The following CARD14 variants were observed in gnomAD, a reference collection of about 807,000 sequenced individuals.
The protein encoded by CARD14 is caspase recruitment domain family member 14.
In CARD14, 107 loss-of-function variants were observed where a neutral mutation model predicts 111.5. The observed-to-expected ratio is 0.96, with a 90% confidence interval of 0.82 to 1.13. The LOEUF (loss-of-function observed/expected upper bound fraction) is 1.13. Ranked by LOEUF, CARD14 falls within the 50% of genes most tolerant of loss-of-function variation. The probability of loss-of-function intolerance (pLI) is 0.00; values close to 1 mark genes in which losing one functional copy is unlikely to be tolerated. For synonymous variants in CARD14, 617 were observed against 579.6 expected (o/e 1.06, Z -0.93); for missense variants, 1,322 against 1,362.3 (o/e 0.97, Z 0.47).
intron 2 of CARD14, among the ~76,000 whole-genome samples, chr17:80,177,577 C>A (rs2040056214): frequency 6.6e-6 from 1 of 152,120 alleles, no homozygotes; most frequent in South Asian, 2.1e-4. Context: ...CACCTGTGAT[C>A]CCAGATACTC....
At chr17:80,179,813 C>G (rs1365916209) in intron 4 of CARD14, among the ~76,000 whole-genome samples, 2 of 152,076 alleles carry the variant, frequency 1.3e-5, no homozygotes, top group Non-Finnish European at 2.9e-5. Flanking sequence ...GCCTGGGCAA[C>G]AGAGTGAGAC....
At chr17:80,192,740 G>A (rs1422724248) in intron 12 of CARD14, 121 bp downstream of exon 12, 6 of 645,190 alleles carry the variant, frequency 9.3e-6, no homozygotes, top group South Asian at 4.2e-5. Context: ...AGGTTGGTAC[G>A]ATTGTGAGAG....
Position 80,207,037 on chromosome 17 carries a change from C to G in CARD14, c.2759C>G (p.Pro920Arg). ...VCTLHRMDIF[P>R]IVIHVSVNEK... ...ACCCTGCACAGGATGGACATCTTCC[C>G]CATCGTCATCCACGTCTCTGTCAAC... Residue 920 changes from proline (P) to arginine (R), a missense_variant, in exon 23 of 24, where the codon CCC becomes CGC. Coordinates refer to ENST00000648509, the MANE Select transcript of CARD14 (RefSeq NM_001366385.1). 6.2e-7 allele frequency: 1 copy of G among 1,614,082 alleles called. No individual in the cohort carries two copies. Among genetic ancestry groups the G allele is most frequent in the Non-Finnish European group, 8.5e-7 (1 of 1,179,988 alleles).
Position 80,198,669 on chromosome 17 carries a change from C to T in CARD14, c.1851+78C>T, listed in dbSNP as rs1334303370. The T allele has an allele frequency of 5.0e-6, 8 of 1,607,428 alleles. No individual in the cohort carries two copies. Among genetic ancestry groups the T allele is most frequent in the African/African-American group, 1.3e-5 (1 of 74,938 alleles). The stretch of plus-strand genomic sequence containing the variant: ...CAGCGGGTGGGGTGACCCAGGCAGA[C>T]TTCACCTCCCCCAGACGATGCAGAT... On this transcript the variant is annotated intron_variant, in intron 16 of 23. Transcript: ENST00000648509. The surrounding 1 kb of genome is among the most constrained non-coding windows in gnomAD (Gnocchi z 7.5).
Position 80,195,638 on chromosome 17 carries a change from T to G in CARD14, c.1580T>G (p.Leu527Arg). The change falls in exon 14 of 24, where the codon CTC (leucine) becomes CGC (arginine). Residue 527 changes from leucine to arginine, a missense_variant. Physicochemically the swap from Leu to Arg is moderately radical, Grantham distance 102. Coordinates refer to ENST00000648509, the MANE Select transcript of CARD14 (RefSeq NM_001366385.1). The surrounding 1 kb of genome is among the most constrained non-coding windows in gnomAD (Gnocchi z 4.7). The part of the protein sequence containing the change: ...KAGDPHLDYE[L>R]LDTADLPQLE... ...GGCGACCCACACCTGGATTATGAGC[T>G]CCTAGACACGGCAGGTGAGCACGCC... The G allele has an allele frequency of 6.2e-7, 1 of 1,613,334 alleles. No homozygotes were observed.
In CARD14 at chr17:80,198,967, G is replaced by C. The variant is rs1299206318; in HGVS notation, c.1851+376G>C. The C allele has an allele frequency of 3.8e-6, 4 of 1,060,988 alleles. No homozygotes were observed. Among genetic ancestry groups the C allele is most frequent in the Non-Finnish European group, 4.6e-6 (4 of 870,138 alleles). 65.7% of individuals were successfully genotyped at this position (1,060,988 alleles called of 1,614,324 possible). The stretch of plus-strand genomic sequence containing the variant: ...TTTCTTTTTTTTTGTTTGTTGTTTT[G>C]AAACAGGGTCTCACTCTGTCACCCA... On this transcript the variant is annotated intron_variant, in intron 16 of 23. Transcript: ENST00000648509. This position sits in a 1 kb window ranked among gnomAD's most constrained non-coding sequence, Gnocchi z 7.5.
Position 80,181,427 on chromosome 17 carries a change from C to T in CARD14, c.-12C>T, listed in dbSNP as rs761621702. 1 of 1,557,364 alleles carries T rather than the reference C, an allele frequency of 6.4e-7. No homozygotes were observed. The highest frequency in any genetic ancestry group is 1.2e-5 in the South Asian group (1 of 84,396). On this transcript the variant is annotated 5_prime_UTR_variant, in exon 5 of 24. Transcript: ENST00000648509. ...ATGGCCACCCCTCCTAGGGTCCTCC[C>T]AGCGCCCAGCCATGGGGGAACTGTG...
chr17:80,201,434 G>A lies in CARD14; in HGVS notation c.1852-310G>A, dbSNP rs529729086. The A allele has an allele frequency of 9.6e-5, 34 of 353,694 alleles. No individual in the cohort carries two copies. Among genetic ancestry groups the A allele is most frequent in the South Asian group, 5.8e-4 (22 of 38,034 alleles). 21.9% of individuals were successfully genotyped at this position (353,694 alleles called of 1,614,324 possible). On this transcript the variant is annotated intron_variant, in intron 16 of 23. Transcript: ENST00000648509. The surrounding 1 kb of genome is among the most constrained non-coding windows in gnomAD (Gnocchi z 5.0). The stretch of plus-strand genomic sequence containing the variant: ...GAATGCTCTTGAATGTTCTAGAACC[G>A]AGGTTCTTTCTTTTCTTTTCTTTTC...
rs577193931 is a variant in CARD14 at position 80,198,467 on chromosome 17, G to C, written c.1727G>C (p.Gly576Ala). The C allele has an allele frequency of 6.2e-7, 1 of 1,612,972 alleles. No homozygotes were observed. The highest frequency in any genetic ancestry group is 2.2e-5 in the East Asian group (1 of 44,868). Reference protein sequence around the residue: ...LSQVTMLAFQGDALLEQISVI... With the variant: ...LSQVTMLAFQADALLEQISVI... The stretch of plus-strand genomic sequence containing the variant: ...CAGGTCACCATGCTGGCGTTCCAGG[G>C]GGATGCATTGCTGGAGCAGATCAGC... Residue 576 changes from glycine to alanine, a missense_variant, in exon 16 of 24, where the codon GGG (glycine) becomes GCG (alanine). By Grantham distance (60) the Gly-to-Ala change is moderately conservative. Coordinates refer to ENST00000648509, the MANE Select transcript of CARD14 (RefSeq NM_001366385.1). The surrounding 1 kb of genome is among the most constrained non-coding windows in gnomAD (Gnocchi z 7.5).
At chr17:80,197,304 G>A (rs2040748312) in intron 14 of CARD14, 1 of 152,348 alleles carries the variant, frequency 6.6e-6, no homozygotes, top group African/African-American at 2.4e-5. Context: ...GGAGGCCAAA[G>A]TGGGTGGATC....
At position 80,195,929 on chromosome 17, in the gene CARD14, C is replaced by T; in HGVS notation, c.1594+277C>T. 1 of 438,656 alleles carries T rather than the reference C, an allele frequency of 2.3e-6. No individual in the cohort carries two copies. Among genetic ancestry groups the T allele is most frequent in the Non-Finnish European group, 4.1e-6 (1 of 241,618 alleles). 27.2% of individuals were successfully genotyped at this position (438,656 alleles called of 1,614,324 possible). A position where few individuals can be genotyped will look rare whatever the true frequency, so the allele number is the denominator to read the frequency against. The stretch of plus-strand genomic sequence containing the variant: ...TGTGTCTGATCCACGCCCTGCTCAG[C>T]ACCCAGCCCCCTGCTCTGATCTGTA... On this transcript the variant is annotated intron_variant, in intron 14 of 23. Coordinates refer to ENST00000648509, the MANE Select transcript of CARD14 (RefSeq NM_001366385.1). The surrounding 1 kb of genome is among the most constrained non-coding windows in gnomAD (Gnocchi z 4.7).
chr17:80,208,149 A>T lies in CARD14; in HGVS notation c.2819A>T (p.Gln940Leu). 6.5e-7 allele frequency: 1 copy of T among 1,542,898 alleles called. No individual in the cohort carries two copies. The highest frequency in any genetic ancestry group is 8.8e-7 in the Non-Finnish European group (1 of 1,142,550). ...TCTGGCCTGTGCAGGAAGGGCCTAC[A>T]GCGGTTGGGCACCTCAGAGGAGCAG... ...KMAKKLKKGLQRLGTSEEQLL... is the reference protein window; with the variant it reads ...KMAKKLKKGLLRLGTSEEQLL... Residue 940 changes from glutamine (Q) to leucine (L), a missense_variant, in exon 24 of 24, where the codon CAG (glutamine) becomes CTG (leucine). Coordinates refer to ENST00000648509, the MANE Select transcript of CARD14 (RefSeq NM_001366385.1).
At position 80,198,562 on chromosome 17, in the gene CARD14, G is replaced by A. The variant is rs762839447; in HGVS notation, c.1822G>A (p.Ala608Thr). ...CCCGGGCTCGGCGGCGGACCAGATG[G>A]CCTTGCGCCCGGGCACCCAGATTGT... The part of the protein sequence containing the change: ...VTPGSAADQM[A>T]LRPGTQIVMV... The change falls in exon 16 of 24, where the codon GCC becomes ACC. Residue 608 changes from alanine to threonine, a missense_variant. Physicochemically the swap from Ala to Thr is moderately conservative, Grantham distance 58. Transcript: ENST00000648509. This position sits in a 1 kb window ranked among gnomAD's most constrained non-coding sequence, Gnocchi z 7.5. 26 of 1,612,848 alleles carry A rather than the reference G, an allele frequency of 1.6e-5. No individual in the cohort carries two copies. Among genetic ancestry groups the A allele is most frequent in the South Asian group, 1.5e-4 (14 of 91,038 alleles).
rs1253713778 is a variant in CARD14, at chr17:80,191,486, G to A, written c.1239+14G>A. The A allele has an allele frequency of 6.2e-7, 1 of 1,604,282 alleles. No homozygotes were observed. Among genetic ancestry groups the A allele is most frequent in the Non-Finnish European group, 8.5e-7 (1 of 1,172,810 alleles). On this transcript the variant is annotated intron_variant, in intron 11 of 23. Transcript: ENST00000648509. ...CCTCCGGGTGTGGTGAGTGTTCCCG[G>A]CTGACCCGAGCTGGAGGCCAGGCAG... is the stretch of plus-strand genomic sequence containing the variant.
rs561364619 is a variant in CARD14, at chr17:80,204,341, G to A, written c.2398G>A (p.Gly800Ser). Residue 800 changes from glycine (G) to serine (S), a missense_variant and splice_region_variant, in exon 20 of 24, where the codon GGC becomes AGC. Gly to Ser is a moderately conservative substitution (Grantham distance 56). Coordinates refer to ENST00000648509, the MANE Select transcript of CARD14 (RefSeq NM_001366385.1). The stretch of plus-strand genomic sequence containing the variant: ...CCAGTTGGACCCCAGCAGGATGGAG[G>A]GTGAGGCCTGGTGAGCTGGCACAGG... The part of the protein sequence containing the change: ...RGQLDPSRME[G>S]SSTCFWAESC... 59 of 1,552,882 alleles carry A rather than the reference G, an allele frequency of 3.8e-5. 1 individual carries two copies. In the South Asian group the frequency reaches 6.1e-4, roughly 16 times the overall value.
At chr17:80,178,859 C>G (rs2040085989) in intron 3 of CARD14, among the ~76,000 whole-genome samples, 1 of 152,214 alleles carries the variant, frequency 6.6e-6, no homozygotes, top group Non-Finnish European at 1.5e-5. Context: ...GATTGTCCTG[C>G]CTCAGCTTCT....
chr17:80,204,574 A>G, intron 20 of CARD14: 1 of 437,598 alleles, frequency 2.3e-6, no homozygotes, highest in Non-Finnish European at 4.1e-6. Flanking sequence ...CAGTGAGCCG[A>G]GATGGTGCCA....
At chr17:80,197,775 T>C (rs1001189160) in intron 14 of CARD14, among the ~76,000 whole-genome samples, 3 of 152,194 alleles carry the variant, frequency 2.0e-5, no homozygotes, top group Admixed American at 6.5e-5. Flanking sequence ...CATTCAAATA[T>C]CACAAAATAG....
chr17:80,189,818 G>T lies in CARD14; in HGVS notation c.909G>T (p.Glu303Asp). The T allele has an allele frequency of 6.3e-7, 1 of 1,585,598 alleles. No homozygotes were observed. Among genetic ancestry groups the T allele is most frequent in the Non-Finnish European group, 8.5e-7 (1 of 1,170,676 alleles). The change falls in exon 9 of 24, where the codon GAG (glutamate) becomes GAT (aspartate). Residue 303 changes from glutamate (E) to aspartate (D), a missense_variant. By Grantham distance (45) the Glu-to-Asp change is conservative (BLOSUM62 2). Coordinates refer to ENST00000648509, the MANE Select transcript of CARD14 (RefSeq NM_001366385.1). The surrounding 1 kb of genome is among the most constrained non-coding windows in gnomAD (Gnocchi z 4.7). ...EARGSRQELVERIHSLRERAV... is the reference protein window; with the variant it reads ...EARGSRQELVDRIHSLRERAV... Reference sequence around the variant, plus strand: ...GGGGGAGCCGACAGGAGCTGGTGGAGCGCATCCACTCGCTGCGGGAGCGGG... The same window carrying T: ...GGGGGAGCCGACAGGAGCTGGTGGATCGCATCCACTCGCTGCGGGAGCGGG...
Sources: gnomAD v4.1 joint callset for allele counts (sites outside exome capture counted in the v4.1 genomes callset) on GRCh38, gnomAD v4.1.1 for gene constraint, Gnocchi (gnomAD v3.1) non-coding constraint, MANE v1.5 for transcripts, NCBI Gene and HGNC (gene_info 2026-07-23, HGNC 2026-07-21) for gene names.